WASF1: variants seen among roughly 807,000 people sequenced by gnomAD.
The protein encoded by WASF1 is actin-binding protein WASF1.
WASF1 carries 7 observed loss-of-function variants against 50.5 expected under a neutral mutation model. The observed-to-expected ratio is 0.14, with a 90% CI of 0.08 to 0.26. The LOEUF (loss-of-function observed/expected upper bound fraction) is 0.26. Among genes scored for constraint, WASF1 ranks in the 10% least tolerant of loss-of-function variants. The pLI is 1.00. For synonymous variants in WASF1, 205 were observed against 244.0 expected (o/e 0.84, Z 1.49); for missense variants, 470 against 694.7 (o/e 0.68, Z 3.64).
intron 3 of WASF1, among the ~76,000 whole-genome samples, chr6:110,149,262 C>A (rs1020394768): frequency 2.0e-5 from 3 of 151,780 alleles, no homozygotes; most frequent in Admixed American, 2.0e-4. Context: ...CCCGCTTTAC[C>A]TATTTCAGCC....
chr6:110,133,400 T>C (rs1258864624), intron 3 of WASF1, among the ~76,000 whole-genome samples: 1 of 152,206 alleles, frequency 6.6e-6, no homozygotes, highest in Non-Finnish European at 1.5e-5. Flanking sequence ...TCTGGGTAGA[T>C]ATCCAATAGT....
At chr6:110,125,642 G>C (rs931251552) in intron 4 of WASF1, among the ~76,000 whole-genome samples, 1 of 152,166 alleles carries the variant, frequency 6.6e-6, no homozygotes, top group Non-Finnish European at 1.5e-5. Context: ...AAGTGGGAAA[G>C]CTGCCAGAGA....
intron 4 of WASF1, among the ~76,000 whole-genome samples, chr6:110,115,916 A>G (rs946484806): frequency 6.6e-6 from 1 of 152,220 alleles, no homozygotes; most frequent in Non-Finnish European, 1.5e-5. Context: ...GGTGGGGATG[A>G]AGCGTGGCAA....
At position 110,101,946 on chromosome 6, in the gene WASF1, T is replaced by C. The variant is rs1185259282; in HGVS notation, c.1164A>G (p.Pro388=). Reference sequence around the variant, plus strand: ...AGGGCTGTACTAGAGGAGGTGCAATTGGAGGAGGAGCTGGGTGAAGAACTC... The same window carrying C: ...AGGGCTGTACTAGAGGAGGTGCAATCGGAGGAGGAGCTGGGTGAAGAACTC... The part of the protein sequence containing the change: ...APGVLHPAPP[P]IAPPLVQPSP... The change falls in exon 10 of 11, where the codon CCA becomes CCG. Residue 388 remains proline, a synonymous_variant. Transcript: ENST00000392589. The C allele has an allele frequency of 3.1e-6, 5 of 1,606,298 alleles. No homozygotes were observed. The Admixed American group carries it at 8.4e-5, about 27-fold the overall frequency.
At chr6:110,142,831 A>T (rs988002501) in intron 3 of WASF1, among the ~76,000 whole-genome samples, 2 of 151,780 alleles carry the variant, frequency 1.3e-5, no homozygotes, top group African/African-American at 2.4e-5. Flanking sequence ...AATAAGGGGG[A>T]ACTTTTTTAT....
At chr6:110,138,643 C>A (rs889650828) in intron 3 of WASF1, among the ~76,000 whole-genome samples, 1 of 152,192 alleles carries the variant, frequency 6.6e-6, no homozygotes, top group Non-Finnish European at 1.5e-5. Flanking sequence ...GGTAGCTCTT[C>A]TCCATAGGGA....
chr6:110,124,250 CTCTCTCTCTCTCTCTCTCTCTCTCTA>C, intron 4 of WASF1, among the ~76,000 whole-genome samples: 1 of 48,096 alleles, frequency 2.1e-5, no homozygotes, highest in African/African-American at 1.0e-4. Context: ...CTCTCTCTCT[CTCTCTCTCTCTCTCTCTCTCTCTCTA>C]TATATATATA....
At chr6:110,118,247 T>G (rs984028924) in intron 4 of WASF1, among the ~76,000 whole-genome samples, 7 of 149,004 alleles carry the variant, frequency 4.7e-5, no homozygotes, top group African/African-American at 1.7e-4. Context: ...GACCCATCAG[T>G]GTGCTGTATT....
At chr6:110,117,985 G>T (rs374313985) in intron 4 of WASF1, among the ~76,000 whole-genome samples, 1 of 152,028 alleles carries the variant, frequency 6.6e-6, no homozygotes, top group African/African-American at 2.4e-5. Context: ...TCACCACAAG[G>T]CCTGCCTTAC....
intron 3 of WASF1, among the ~76,000 whole-genome samples, chr6:110,149,699 C>G (rs1468624721): frequency 6.6e-6 from 1 of 152,060 alleles, no homozygotes; most frequent in Non-Finnish European, 1.5e-5. Flanking sequence ...ATTGCTTGCT[C>G]TACTGTATTT....
At chr6:110,142,975 T>TAAAAAAAAAAAAAAAAAAAAAAA (rs1396721363) in intron 3 of WASF1, among the ~76,000 whole-genome samples, 85 of 97,836 alleles carry the variant, frequency 8.7e-4, no homozygotes, top group East Asian at 4.5e-3. Flanking sequence ...AAAAAAAAAC[T>TAAAAAAAAAAAAAAAAAAAAAAA]AAAGCAATTC....
At chr6:110,114,252 C>A (rs1336547879) in intron 4 of WASF1, among the ~76,000 whole-genome samples, 1 of 152,112 alleles carries the variant, frequency 6.6e-6, no homozygotes, top group Non-Finnish European at 1.5e-5. Context: ...CATTGTGAGA[C>A]TCATTCAAAG....
In WASF1 at chr6:110,122,239, C is replaced by CAA. The variant is rs55836821; in HGVS notation, c.133+5228_133+5229dup. 3.4e-3 allele frequency among the ~76,000 whole-genome samples: 384 copies of CAA among 114,178 alleles called. 1 individual carries two copies. The highest frequency in any genetic ancestry group is 0.011 in the African/African-American group (363 of 33,014). 74.9% of individuals were successfully genotyped at this position (114,178 alleles called of 152,430 possible). A position where few individuals can be genotyped will look rare whatever the true frequency, so the allele number is the denominator to read the frequency against. ...ATCTCCGATTTTAAAAAATGGAATCCAAAAAAAAAAAAAAGAAGACATAGA... is the reference window on the plus strand; with the variant it reads ...ATCTCCGATTTTAAAAAATGGAATCCAAAAAAAAAAAAAAAAGAAGACATAGA... On this transcript the variant is annotated intron_variant, in intron 4 of 10. Coordinates refer to ENST00000392589, the MANE Select transcript of WASF1 (RefSeq NM_003931.3).
At chr6:110,124,605 T>G (rs1337803866) in intron 4 of WASF1, among the ~76,000 whole-genome samples, 2 of 151,972 alleles carry the variant, frequency 1.3e-5, no homozygotes, top group Non-Finnish European at 2.9e-5. Flanking sequence ...AGGAAAAATC[T>G]CACAAAAAAC....
At chr6:110,135,919 T>C (rs1321974884) in intron 3 of WASF1, among the ~76,000 whole-genome samples, 4 of 143,012 alleles carry the variant, frequency 2.8e-5, no homozygotes, top group African/African-American at 5.2e-5. Context: ...AGTCTCGCTC[T>C]GTCGCCCAGG....
chr6:110,115,417 T>C (rs757737324), intron 4 of WASF1, among the ~76,000 whole-genome samples: 1 of 152,208 alleles, frequency 6.6e-6, no homozygotes, highest in East Asian at 1.9e-4. Context: ...CAAGAAGGCA[T>C]GGACAATGAG....
At chr6:110,130,040 T>G (rs1344090395) in intron 3 of WASF1, among the ~76,000 whole-genome samples, 1 of 152,256 alleles carries the variant, frequency 6.6e-6, no homozygotes, top group Non-Finnish European at 1.5e-5. Context: ...TATTAATTAC[T>G]GAGCTTTAAT....
At chr6:110,147,956 G>A (rs768999766) in intron 3 of WASF1, among the ~76,000 whole-genome samples, 2 of 151,932 alleles carry the variant, frequency 1.3e-5, no homozygotes, top group African/African-American at 2.4e-5. Flanking sequence ...CATGTTGCCC[G>A]GGCTGGCCTC....
chr6:110,133,931 T>C (rs1483485450), intron 3 of WASF1, among the ~76,000 whole-genome samples: 1 of 152,182 alleles, frequency 6.6e-6, no homozygotes, highest in Admixed American at 6.5e-5. Context: ...AGGAACTGTT[T>C]GCCTAAGCCA....
Sources: allele counts gnomAD v4.1 joint callset (sites outside exome capture counted in the v4.1 genomes callset), GRCh38; gene constraint gnomAD v4.1.1; transcripts MANE v1.5; gene names NCBI Gene and HGNC (gene_info 2026-07-23, HGNC 2026-07-21).